The following ALDH7A1 variants were observed in gnomAD, a reference collection of about 807,000 sequenced individuals.
ALDH7A1 encodes the protein aldehyde dehydrogenase 7 family member A1.
In ALDH7A1, 63 loss-of-function variants were observed where a neutral mutation model predicts 79.9. The observed-to-expected ratio is 0.79, with a 90% CI of 0.64 to 0.97. The LOEUF (loss-of-function observed/expected upper bound fraction) is 0.97. Ranked by LOEUF, ALDH7A1 falls within the 50% of genes least tolerant of loss-of-function variation. The pLI, the probability that ALDH7A1 is intolerant of heterozygous loss-of-function variation, is 0.00. For missense variants in ALDH7A1, 627 were observed against 665.2 expected, an observed-to-expected ratio of 0.94 and a Z score of 0.63; for synonymous variants, 240 against 231.2, an observed-to-expected ratio of 1.04 and a Z score of -0.34.
At chr5:126,586,724 G>C (rs1462082729) in intron 3 of ALDH7A1, 1 of 152,318 alleles carries the variant, frequency 6.6e-6, no homozygotes, top group East Asian at 1.9e-4. Flanking sequence ...AGGCAAAGTG[G>C]AGGAAAAGCA....
At chr5:126,562,653 T>G (rs62391523) in intron 9 of ALDH7A1, among the ~76,000 whole-genome samples, 51,677 of 151,884 alleles carry the variant, frequency 0.34, 9,027 homozygotes, top group Non-Finnish European at 0.37. Flanking sequence ...ATCAAGACCA[T>G]CCTGGCCAAC....
At chr5:126,587,894 C>G (rs912629227) in intron 3 of ALDH7A1, 1 of 152,204 alleles carries the variant, frequency 6.6e-6, no homozygotes, top group African/African-American at 2.4e-5. Context: ...TTCCCTAAAC[C>G]TTGAACTCAA....
chr5:126,572,659 T>G (rs1181271762), intron 7 of ALDH7A1, among the ~76,000 whole-genome samples: 3 of 152,212 alleles, frequency 2.0e-5, no homozygotes, highest in African/African-American at 7.2e-5. Context: ...CTGAGTGCAG[T>G]GACACTTGTA....
At chr5:126,593,644 T>C (rs1334930719) in intron 1 of ALDH7A1, 32 of 613,640 alleles carry the variant, frequency 5.2e-5, no homozygotes, top group Middle Eastern at 4.3e-4. Context: ...ATATTAGGCA[T>C]ATAAACAAAA....
chr5:126,585,259 T>C (rs1443887963), intron 3 of ALDH7A1, among the ~76,000 whole-genome samples: 2 of 152,106 alleles, frequency 1.3e-5, no homozygotes, highest in Admixed American at 1.3e-4. Flanking sequence ...GATCCCGCCA[T>C]TGCACTCCGG....
chr5:126,574,423 T>C (rs7719675), intron 7 of ALDH7A1, among the ~76,000 whole-genome samples: 19,971 of 146,550 alleles, frequency 0.14, 1,640 homozygotes, highest in African/African-American at 0.24. Context: ...TAGCCGGGCG[T>C]GGTGGCTCAT....
At chr5:126,582,723 G>A in intron 5 of ALDH7A1, 128 bp downstream of exon 5, 1 of 1,028,820 alleles carries the variant, frequency 9.7e-7, no homozygotes, top group Non-Finnish European at 1.5e-6. Flanking sequence ...GAAAGATTGA[G>A]GATATTTTCA....
chr5:126,558,107 G>A (rs1413401647), intron 11 of ALDH7A1, among the ~76,000 whole-genome samples: 10 of 139,770 alleles, frequency 7.2e-5, no homozygotes, highest in Non-Finnish European at 1.2e-4. Context: ...GGTGGAGGTT[G>A]CAGTGAGCAA....
chr5:126,548,966 C>T (rs1451106108), intron 16 of ALDH7A1, among the ~76,000 whole-genome samples: 1 of 138,758 alleles, frequency 7.2e-6, no homozygotes, highest in East Asian at 2.2e-4. Context: ...CTCAGCTATT[C>T]ATGAGGCTGA....
chr5:126,568,498 G>T, intron 8 of ALDH7A1, 142 bp from the exon 9 acceptor site: 5 of 759,170 alleles, frequency 6.6e-6, no homozygotes, highest in Non-Finnish European at 1.2e-5. Flanking sequence ...AGCAAGGGAA[G>T]GTCTTCATGA....
intron 9 of ALDH7A1, 40 bp downstream of exon 9, chr5:126,568,219 T>G (rs1750655390): frequency 6.3e-7 from 1 of 1,593,530 alleles, no homozygotes; most frequent in African/African-American, 1.3e-5. Context: ...ACCTCCATAT[T>G]TGAGAGAATT....
In ALDH7A1 at chr5:126,554,284, T is replaced by C; in HGVS notation, c.1200+3A>G. 1 of 1,613,198 alleles carries C rather than the reference T, an allele frequency of 6.2e-7. No individual in the cohort carries two copies. Among genetic ancestry groups the C allele is most frequent in the South Asian group, 1.1e-5 (1 of 91,062 alleles). On this transcript the variant is annotated splice_donor_region_variant and intron_variant, in intron 13 of 17. Coordinates refer to ENST00000409134, the MANE Select transcript of ALDH7A1 (RefSeq NM_001182.5). Reference sequence around the variant, plus strand: ...TCACAATTGATCTCAGAGCATCCCTTACCTTGCCCCCATAGACCACTGTGC... The same window carrying C: ...TCACAATTGATCTCAGAGCATCCCTCACCTTGCCCCCATAGACCACTGTGC...
chr5:126,574,969 A>G (rs1429487566), intron 7 of ALDH7A1, among the ~76,000 whole-genome samples: 2 of 152,186 alleles, frequency 1.3e-5, no homozygotes, highest in African/African-American at 4.8e-5. Context: ...TTTTTAACCA[A>G]AAGATGCGAT....
At position 126,550,299 on chromosome 5, in the gene ALDH7A1, A is replaced by G. The variant is rs926974636; in HGVS notation, c.1318-6T>C. ...GCAAAGACCTCTTCTTCATTCTAAA[A>G]GGAGAGACATTGGAAGCTGTAAGAT... On this transcript the variant is annotated splice_polypyrimidine_tract_variant and splice_region_variant and intron_variant, in intron 14 of 17. Coordinates refer to ENST00000409134, the MANE Select transcript of ALDH7A1 (RefSeq NM_001182.5). The G allele has an allele frequency of 6.3e-7, 1 of 1,599,792 alleles. No homozygotes were observed. Among genetic ancestry groups the G allele is most frequent in the Non-Finnish European group, 8.6e-7 (1 of 1,167,816 alleles).
chr5:126,564,564 C>G, intron 9 of ALDH7A1: 1 of 1,248,386 alleles, frequency 8.0e-7, no homozygotes, highest in Non-Finnish European at 1.0e-6. Flanking sequence ...TATGTGACAA[C>G]AGCAGAGTAT....
At chr5:126,554,784 G>A (rs556419682) in intron 12 of ALDH7A1, 46 of 324,478 alleles carry the variant, frequency 1.4e-4, no homozygotes, top group South Asian at 1.2e-3. Context: ...TCATTACAGT[G>A]TGACCATTCT....
chr5:126,588,127 C>T (rs1751417527), intron 3 of ALDH7A1: 2 of 152,084 alleles, frequency 1.3e-5, no homozygotes, highest in Non-Finnish European at 2.9e-5. Flanking sequence ...AAGTACAGCC[C>T]AATATTTAAG....
At chr5:126,573,432 G>T (rs1027492352) in intron 7 of ALDH7A1, among the ~76,000 whole-genome samples, 1 of 152,022 alleles carries the variant, frequency 6.6e-6, no homozygotes, top group Non-Finnish European at 1.5e-5. Flanking sequence ...GGGCACGGTG[G>T]CTCACACCTG....
chr5:126,560,465 C>A (rs1680717549), intron 10 of ALDH7A1, among the ~76,000 whole-genome samples: 1 of 151,836 alleles, frequency 6.6e-6, no homozygotes, highest in African/African-American at 2.4e-5. Context: ...AGTAAGACTC[C>A]CGTCTCAAAA....
Sources: allele counts gnomAD v4.1 joint callset (sites outside exome capture counted in the v4.1 genomes callset), GRCh38; gene constraint gnomAD v4.1.1; transcripts MANE v1.5; gene names NCBI Gene and HGNC (gene_info 2026-07-23, HGNC 2026-07-21).